F5: variants seen among roughly 807,000 people sequenced by gnomAD.
F5 encodes activated protein c cofactor.
F5 carries 138 observed loss-of-function variants against 216.4 expected under a neutral mutation model. The ratio of observed to expected loss-of-function variants is 0.64; its 90% CI spans 0.56 to 0.73. The LOEUF is 0.73. F5 is among the 30% of genes least tolerant of loss of function. F5 has a pLI of 0.00. For missense variants in F5, 2,403 were observed against 2,674.0 expected, an observed-to-expected ratio of 0.90 and a Z score of 2.24; for synonymous variants, 916 against 930.7, an observed-to-expected ratio of 0.98 and a Z score of 0.29.
chr1:169,580,532 T>C (rs113843429), intron 2 of F5, among the ~76,000 whole-genome samples: 16,241 of 151,964 alleles, frequency 0.11, 1,161 homozygotes, highest in African/African-American at 0.19. Context: ...TACAGGCATG[T>C]ACCATCATGC....
At chr1:169,572,135 G>C (rs918246230) in intron 3 of F5, 86 bp downstream of exon 3, 39 of 1,363,936 alleles carry the variant, frequency 2.9e-5, no homozygotes, top group South Asian at 2.8e-4. Context: ...AACAACACGT[G>C]GTTAACAGTA....
At position 169,540,550 on chromosome 1, in the gene F5, C is replaced by A; in HGVS notation, c.4540G>T (p.Gly1514Cys). The A allele has an allele frequency of 6.2e-7, 1 of 1,613,822 alleles. No homozygotes were observed. The change falls in exon 13 of 25, where the codon GGC (glycine) becomes TGC (cysteine). Residue 1514 changes from glycine to cysteine, a missense_variant. Coordinates refer to ENST00000367797, the MANE Select transcript of F5 (RefSeq NM_000130.5). ...SKEFNPLVIV[G>C]LSKDGTDYIE... ...TAATCTGTACCATCTTTACTGAGGC[C>A]CACTATAACCAGTGGATTAAATTCC...
At chr1:169,574,004 A>T (rs1180439909) in intron 2 of F5, among the ~76,000 whole-genome samples, 1 of 152,192 alleles carries the variant, frequency 6.6e-6, no homozygotes, top group Admixed American at 6.5e-5. Context: ...AATAAACAAT[A>T]AAAACAATAC....
chr1:169,522,058 T>G (rs1659322685), intron 21 of F5, among the ~76,000 whole-genome samples: 1 of 152,166 alleles, frequency 6.6e-6, no homozygotes, highest in Admixed American at 6.5e-5. Context: ...CAAACAACTC[T>G]ACACATATAA....
rs779420274 is a variant in F5, at chr1:169,572,287, T to G, written c.307A>C (p.Lys103Gln). Residue 103 changes from lysine to glutamine, a missense_variant, in exon 3 of 25, where the codon AAA becomes CAA. Lys to Gln is a moderately conservative substitution (Grantham distance 53). Coordinates refer to ENST00000367797, the MANE Select transcript of F5 (RefSeq NM_000130.5). ...CTCAAGGGCTTATCTGCCTTATTTT[T>G]AAAGTGAACTTTTATGATGTCTCCG... ...EVGDIIKVHF[K>Q]NKADKPLSIH... 2 of 1,613,388 alleles carry G rather than the reference T, an allele frequency of 1.2e-6. No individual in the cohort carries two copies. The highest frequency in any genetic ancestry group is 1.7e-6 in the Non-Finnish European group (2 of 1,179,652).
intron 1 of F5, among the ~76,000 whole-genome samples, chr1:169,583,680 G>C (rs937941359): frequency 1.3e-5 from 2 of 152,188 alleles, no homozygotes; most frequent in African/African-American, 4.8e-5. Context: ...TTTTGTAAAT[G>C]TAATAAGAGT....
Position 169,544,318 on chromosome 1 carries a change from C to T in F5, c.1953G>A (p.Val651=). ...LTLFPMRGES[V]TVTMDNVGTW... is the part of the protein sequence containing the mutation. ...CACCAACATTATCCATTGTGACCGT[C>T]ACAGATTCTCCACGCATGGGGAAGA... Residue 651 remains valine, a synonymous_variant, in exon 12 of 25, where the codon GTG becomes GTA. Coordinates refer to ENST00000367797, the MANE Select transcript of F5 (RefSeq NM_000130.5). 1 of 1,614,006 alleles carries T rather than the reference C, an allele frequency of 6.2e-7. No homozygotes were observed. Among genetic ancestry groups the T allele is most frequent in the Non-Finnish European group, 8.5e-7 (1 of 1,179,952 alleles).
intron 10 of F5, among the ~76,000 whole-genome samples, chr1:169,548,921 T>A (rs1660089527): frequency 6.6e-6 from 1 of 151,704 alleles, no homozygotes; most frequent in Non-Finnish European, 1.5e-5. Context: ...CATTTCGCTA[T>A]GGCAGCTGAA....
At chr1:169,581,542 T>C (rs1415100725) in intron 2 of F5, among the ~76,000 whole-genome samples, 1 of 151,970 alleles carries the variant, frequency 6.6e-6, no homozygotes. Context: ...AAGACTCCCA[T>C]TGACTAAATA....
At chr1:169,533,530 T>C (rs988472724) in intron 14 of F5, among the ~76,000 whole-genome samples, 3 of 152,042 alleles carry the variant, frequency 2.0e-5, no homozygotes, top group Admixed American at 1.3e-4. Context: ...AACTATAAGA[T>C]AGTTAAACAA....
intron 10 of F5, among the ~76,000 whole-genome samples, chr1:169,549,256 C>T (rs745494780): frequency 5.3e-5 from 8 of 152,188 alleles, no homozygotes; most frequent in Non-Finnish European, 8.8e-5. Flanking sequence ...TCTTTGTTCA[C>T]ATTCTTCTGT....
chr1:169,523,350 CA>C lies in F5; in HGVS notation c.5894del (p.Val1965GlyfsTer8). Reference sequence around the variant, plus strand: ...TGATTATGACTTCCTTTTGCATGTCCACCTGCAATATAGGAAAGCCAGTAAA... The same window carrying C: ...TGATTATGACTTCCTTTTGCATGTCCCCTGCAATATAGGAAAGCCAGTAAA... ...AEFASKPWIQVDMQKEVIITG... is the reference protein window; with the variant it reads ...AEFASKPWIQXDMQKEVIITG... On this transcript the variant is annotated frameshift_variant and splice_region_variant, in exon 21 of 25. Transcript: ENST00000367797. LOFTEE classifies it high-confidence loss of function. 6.2e-7 allele frequency: 1 copy of C among 1,613,902 alleles called. No homozygotes were observed. The highest frequency in any genetic ancestry group is 8.5e-7 in the Non-Finnish European group (1 of 1,179,926).
chr1:169,573,693 G>A (rs964504334), intron 2 of F5, among the ~76,000 whole-genome samples: 1 of 152,224 alleles, frequency 6.6e-6, no homozygotes, highest in Non-Finnish European at 1.5e-5. Context: ...GCCAGGCACT[G>A]TGTTAGAAAG....
chr1:169,565,785 G>A (rs1341248197), intron 3 of F5, among the ~76,000 whole-genome samples: 5 of 152,080 alleles, frequency 3.3e-5, no homozygotes, highest in Non-Finnish European at 5.9e-5. Context: ...AGGCATCTGA[G>A]TTTGTGAACT....
chr1:169,516,657 A>G (rs1198172456), intron 23 of F5, among the ~76,000 whole-genome samples: 1 of 152,236 alleles, frequency 6.6e-6, no homozygotes, highest in Admixed American at 6.5e-5. Flanking sequence ...GATGCAGAGT[A>G]TAACCAGCTA....
chr1:169,582,298 A>G (rs1372692131), intron 2 of F5, 133 bp downstream of exon 2: 24 of 532,846 alleles, frequency 4.5e-5, no homozygotes, highest in Non-Finnish European at 7.7e-5. Flanking sequence ...CATATTATGT[A>G]GCCAGTACTT....
chr1:169,542,922 T>C lies in F5; in HGVS notation c.2168A>G (p.Asp723Gly), dbSNP rs1659904251. 6.2e-7 allele frequency: 1 copy of C among 1,614,120 alleles called. No individual in the cohort carries two copies. Among genetic ancestry groups the C allele is most frequent in the Non-Finnish European group, 8.5e-7 (1 of 1,179,992 alleles). The change falls in exon 13 of 25, where the codon GAC becomes GGC. Residue 723 changes from aspartate to glycine, a missense_variant. Physicochemically the swap from Asp to Gly is moderately conservative, Grantham distance 94 (BLOSUM62 -1). Transcript: ENST00000367797. Reference sequence around the variant, plus strand: ...AGCCAGTCTGTTCTGGTAATCATAGTCAGCATCACTCTCTTCATCTTCAGG... The same window carrying C: ...AGCCAGTCTGTTCTGGTAATCATAGCCAGCATCACTCTCTTCATCTTCAGG... ...LEPEDEESDADYDYQNRLAAA... is the reference protein window; with the variant it reads ...LEPEDEESDAGYDYQNRLAAA...
In F5 at chr1:169,529,610, T is replaced by C; in HGVS notation, c.5417A>G (p.His1806Arg). 1.2e-6 allele frequency: 2 copies of C among 1,613,426 alleles called. No homozygotes were observed. Among genetic ancestry groups the C allele is most frequent in the Non-Finnish European group, 1.7e-6 (2 of 1,179,514 alleles). The stretch of plus-strand genomic sequence containing the variant: ...AGATCAAAGTCTGAGGAAAATACCG[T>C]GAAACTCATGGGATTTTTTCATTTC... ...SSEMKKSHEF[H>R]AINGMIYSLP... The change falls in exon 16 of 25, where the codon CAC becomes CGC. Residue 1806 changes from histidine to arginine, a missense_variant and splice_region_variant. Physicochemically the swap from His to Arg is conservative, Grantham distance 29. Around this residue, in one of 4 missense-constraint regions of F5, gnomAD observed 659 missense variants for 787.9 expected, o/e 0.84. Transcript: ENST00000367797.
At chr1:169,555,459 T>C in intron 6 of F5, 112 bp from the exon 7 acceptor site, 1 of 1,158,300 alleles carries the variant, frequency 8.6e-7, no homozygotes, top group Non-Finnish European at 1.3e-6. Context: ...ATAATAAGAG[T>C]GAAAGTAATG....
Sources: allele counts gnomAD v4.1 joint callset (sites outside exome capture counted in the v4.1 genomes callset), GRCh38; gene constraint gnomAD v4.1.1; regional missense constraint gnomAD v4.1.1; transcripts MANE v1.5; gene names NCBI Gene and HGNC (gene_info 2026-07-23, HGNC 2026-07-21).